RYR3: variants seen among roughly 807,000 people sequenced by gnomAD.
The protein encoded by RYR3 is ryanodine receptor 3, also known as brain ryanodine receptor-calcium release channel.
In RYR3, 207 loss-of-function variants were observed where a neutral mutation model predicts 584.3. That is an observed-to-expected ratio of 0.35 (90% CI 0.32 to 0.40). The LOEUF (loss-of-function observed/expected upper bound fraction) is 0.40. Ranked by LOEUF, RYR3 falls within the 10% of genes least tolerant of loss-of-function variation. The probability of loss-of-function intolerance (pLI) is 1.00; values close to 1 mark genes in which losing one functional copy is unlikely to be tolerated. For missense variants in RYR3, 5,616 were observed against 6,089.2 expected (o/e 0.92, Z 2.59); for synonymous variants, 2,416 against 2,248.5 (o/e 1.07, Z -2.11).
intron 60 of RYR3, among the ~76,000 whole-genome samples, chr15:33,766,067 G>T (rs1384908055): frequency 6.6e-6 from 1 of 152,014 alleles, no homozygotes; most frequent in Non-Finnish European, 1.5e-5. Context: ...GATCACTTGA[G>T]GTCAGGAGTT....
At chr15:33,830,697 C>T in intron 85 of RYR3, 1 of 287,186 alleles carries the variant, frequency 3.5e-6, no homozygotes, top group Admixed American at 4.9e-5. Context: ...ACATATTTCA[C>T]ATTGAGTAAA....
At chr15:33,819,015 C>T (rs2076968293) in intron 76 of RYR3, among the ~76,000 whole-genome samples, 1 of 152,028 alleles carries the variant, frequency 6.6e-6, no homozygotes, top group Non-Finnish European at 1.5e-5. Flanking sequence ...CCCAGCTACT[C>T]AGGAGGCTGA....
At chr15:33,666,631 T>TC in intron 36 of RYR3, among the ~76,000 whole-genome samples, 1 of 151,844 alleles carries the variant, frequency 6.6e-6, no homozygotes, top group East Asian at 1.9e-4. Flanking sequence ...GTGATATCCT[T>TC]CTACAACCTT....
At chr15:33,784,355 A>C (rs985020177) in intron 65 of RYR3, among the ~76,000 whole-genome samples, 1 of 152,230 alleles carries the variant, frequency 6.6e-6, no homozygotes, top group African/African-American at 2.4e-5. Flanking sequence ...GAAAATCTAG[A>C]GAAGAAAGAC....
Position 33,813,018 on chromosome 15 carries a change from A to G in RYR3, c.10389+24A>G, listed in dbSNP as rs768839761. The G allele has an allele frequency of 4.3e-6, 7 of 1,613,236 alleles. 1 individual carries two copies. In the Admixed American group the frequency reaches 6.7e-5, roughly 15 times the overall value. On this transcript the variant is annotated intron_variant, in intron 73 of 103. Coordinates refer to ENST00000634891, the MANE Select transcript of RYR3 (RefSeq NM_001036.6). The stretch of plus-strand genomic sequence containing the variant: ...AGGTAAGGAGCATCTGCCCTGAGGA[A>G]TGGGGAAGCAGAAACACCCTGGACC...
intron 1 of RYR3, among the ~76,000 whole-genome samples, chr15:33,378,261 C>T (rs943040477): frequency 3.9e-4 from 59 of 152,332 alleles, no homozygotes; most frequent in African/African-American, 1.4e-3. Flanking sequence ...TTGGCACTTT[C>T]TTCCACAGAT....
At chr15:33,339,838 G>A (rs966141269) in intron 1 of RYR3, among the ~76,000 whole-genome samples, 3 of 149,042 alleles carry the variant, frequency 2.0e-5, no homozygotes, top group African/African-American at 2.5e-5. Flanking sequence ...GCAGTGAGCC[G>A]AGATAGCACC....
At chr15:33,831,889 G>A (rs2077700510) in intron 86 of RYR3, among the ~76,000 whole-genome samples, 1 of 152,084 alleles carries the variant, frequency 6.6e-6, no homozygotes, top group Non-Finnish European at 1.5e-5. Flanking sequence ...CGCTCAGTTT[G>A]TACTCTGCGC....
intron 72 of RYR3, 58 bp downstream of exon 72, chr15:33,811,095 T>TCCAAAACA: frequency 7.0e-7 from 1 of 1,426,978 alleles, no homozygotes. Flanking sequence ...GCTGCAGGGT[T>TCCAAAACA]CCAGCTTTTC....
intron 2 of RYR3, among the ~76,000 whole-genome samples, chr15:33,500,738 A>G (rs1032202099): frequency 2.0e-5 from 3 of 152,134 alleles, no homozygotes; most frequent in Middle Eastern, 3.2e-3. Flanking sequence ...CTGGCCTCCT[A>G]GGGGACTCTC....
chr15:33,553,476 T>C (rs2056838400), intron 10 of RYR3, among the ~76,000 whole-genome samples: 1 of 152,102 alleles, frequency 6.6e-6, no homozygotes, highest in African/African-American at 2.4e-5. Context: ...GGAGGTGTGA[T>C]TGAGCCTTGC....
At chr15:33,335,464 T>C (rs1970847283) in intron 1 of RYR3, among the ~76,000 whole-genome samples, 1 of 152,002 alleles carries the variant, frequency 6.6e-6, no homozygotes, top group Non-Finnish European at 1.5e-5. Context: ...CACTTATAAG[T>C]GGAAGCTATA....
intron 2 of RYR3, among the ~76,000 whole-genome samples, chr15:33,492,461 AAGC>A (rs2142523808): frequency 1.2e-5 from 1 of 86,640 alleles, no homozygotes; most frequent in South Asian, 3.4e-4. Context: ...ATTTCTCTCA[AAGC>A]AAAAAAAAAA....
chr15:33,361,454 C>T (rs1047698925), intron 1 of RYR3, among the ~76,000 whole-genome samples: 2 of 152,128 alleles, frequency 1.3e-5, no homozygotes, highest in African/African-American at 2.4e-5. Context: ...GCAGTAAATA[C>T]TTTATACCAA....
At chr15:33,822,616 C>G (rs540759788) in intron 80 of RYR3, among the ~76,000 whole-genome samples, 20 of 152,322 alleles carry the variant, frequency 1.3e-4, no homozygotes, top group Middle Eastern at 3.4e-3. Flanking sequence ...ACACAGGAAA[C>G]AAAGCCTCAT....
rs531182558 is a variant in RYR3, at chr15:33,840,830, A to G, written c.12984A>G (p.Ala4328=). 1.9e-6 allele frequency: 3 copies of G among 1,613,992 alleles called. No homozygotes were observed. The highest frequency in any genetic ancestry group is 2.5e-6 in the Non-Finnish European group (3 of 1,179,872). Residue 4328 remains alanine, a synonymous_variant, in exon 90 of 104, where the codon GCA becomes GCG. Transcript: ENST00000634891. ...TAATTGTTATTTTTGTCTAGGCAGC[A>G]GAAATGAAAGCAGCAAATGAAGCAG... The part of the protein sequence containing the change: ...TVQKKRKAQA[A]EMKAANEAEG...
rs71117134 is a variant in RYR3 at position 33,337,056 on chromosome 15, CAAAAAAA to C, written c.51+25980_51+25986del. ...TGGGTTACAGAGCAGGACTCCGTCT[CAAAAAAA>C]AAAAAAAAAAAAAAAAAAAGTTTAT... On this transcript the variant is annotated intron_variant, in intron 1 of 103. Coordinates refer to ENST00000634891, the MANE Select transcript of RYR3 (RefSeq NM_001036.6). 2.4e-4 allele frequency among the ~76,000 whole-genome samples: 12 copies of C among 48,980 alleles called. 1 individual carries two copies. In the East Asian group the frequency reaches 7.0e-3, roughly 29 times the overall value. The allele number at this position is 48,980 out of a possible 152,430, so 32.1% of individuals were successfully genotyped here.
At chr15:33,800,679 G>A (rs2075869147) in intron 67 of RYR3, 91 bp from the exon 68 acceptor site, 4 of 855,808 alleles carry the variant, frequency 4.7e-6, no homozygotes, top group Non-Finnish European at 7.9e-6. Flanking sequence ...CTGGATAAAT[G>A]TATGTCTCCA....
At chr15:33,865,030 A>ACAT in intron 103 of RYR3, 101 bp from the exon 104 acceptor site, 2 of 792,180 alleles carry the variant, frequency 2.5e-6, no homozygotes, top group Non-Finnish European at 4.2e-6. Context: ...ATATAAATTC[A>ACAT]CATCAGTCTT....
Sources: gnomAD v4.1 joint callset for allele counts (sites outside exome capture counted in the v4.1 genomes callset) on GRCh38, gnomAD v4.1.1 for gene constraint, MANE v1.5 for transcripts, NCBI Gene and HGNC (gene_info 2026-07-23, HGNC 2026-07-21) for gene names.